TENM1: variants seen among roughly 807,000 people sequenced by gnomAD.
TENM1 encodes teneurin-1.
In TENM1, 35 loss-of-function variants were observed where a neutral mutation model predicts 174.8. The ratio of observed to expected loss-of-function variants is 0.20; its 90% CI spans 0.15 to 0.27. The LOEUF (loss-of-function observed/expected upper bound fraction) is 0.27. TENM1 is among the 10% of genes least tolerant of loss of function. The pLI is 1.00. For missense variants in TENM1, 1,633 were observed against 2,130.1 expected, an observed-to-expected ratio of 0.77 and a Z score of 4.59; for synonymous variants, 781 against 798.7, an observed-to-expected ratio of 0.98 and a Z score of 0.37.
chrX:125,061,475 G>C, the TENM1 span, among the ~76,000 whole-genome samples: 2 of 112,018 alleles, frequency 1.8e-5, no homozygotes, highest in Non-Finnish European at 3.8e-5. Flanking sequence ...GGAAACAAAG[G>C]AGTAGGTATA....
At chrX:125,176,356 A>G in the TENM1 span, among the ~76,000 whole-genome samples, 1 of 111,720 alleles carries the variant, frequency 9.0e-6, no homozygotes. Context: ...CTGTGTTCCC[A>G]TCAGTAATGA....
At chrX:124,557,398 T>C (rs1044153363) in intron 14 of TENM1, among the ~76,000 whole-genome samples, 10 of 111,412 alleles carry the variant, frequency 9.0e-5, no homozygotes, top group Non-Finnish European at 1.7e-4. Context: ...TGTTTTTTTT[T>C]CCTATTATGG....
chrX:124,963,671 T>A, exon 1 of TENM1: 1 of 1,211,588 alleles, frequency 8.3e-7, no homozygotes, highest in African/African-American at 1.7e-5. Flanking sequence ...TTCACTCTCA[T>A]CAGAAGAACT....
At chrX:124,866,050 A>G (rs146416921) in intron 3 of TENM1, among the ~76,000 whole-genome samples, 18 of 111,952 alleles carry the variant, frequency 1.6e-4, no homozygotes, top group Non-Finnish European at 3.0e-4. Flanking sequence ...AGGCCCCAAT[A>G]CAATAATAGC....
In TENM1 at chrX:124,422,778, G is replaced by A. The variant is rs747134934; in HGVS notation, c.4105-140C>T. 11 of 537,423 alleles carry A rather than the reference G, an allele frequency of 2.0e-5. No homozygotes were observed. In the East Asian group the frequency reaches 3.4e-4, roughly 17 times the overall value. 44.3% of individuals were successfully genotyped at this position (537,423 alleles called of 1,213,427 possible). On this transcript the variant is annotated intron_variant, in intron 23 of 31. Transcript: ENST00000422452. ...AGCAACATTGGTGATGTCTCGGAAA[G>A]TGGAGGGCAGGGGGAGGATGGTTAA...
At chrX:124,400,642 C>T (rs995111114) in intron 27 of TENM1, among the ~76,000 whole-genome samples, 2 of 112,101 alleles carry the variant, frequency 1.8e-5, no homozygotes, top group South Asian at 7.4e-4. Flanking sequence ...TATAACCTTA[C>T]AACTCAGTCT....
intron 5 of TENM1, among the ~76,000 whole-genome samples, chrX:124,695,024 C>T (rs1039351901): frequency 8.9e-6 from 1 of 111,794 alleles, no homozygotes; most frequent in African/African-American, 3.2e-5. Context: ...GTGCAAATTA[C>T]GTAACGGAGA....
chrX:124,549,537 A>G (rs1490155239), intron 14 of TENM1, among the ~76,000 whole-genome samples: 1 of 112,102 alleles, frequency 8.9e-6, no homozygotes, highest in Non-Finnish European at 1.9e-5. Flanking sequence ...TCTTAAAAAA[A>G]AACTAAAAAA....
At chrX:124,380,549 A>G in exon 32 of TENM1, 1 of 1,196,854 alleles carries the variant, frequency 8.4e-7, no homozygotes, top group Non-Finnish European at 1.1e-6. Flanking sequence ...CCTCCTGCCT[A>G]TTTCGCTCTG....
chrX:124,723,598 T>G (rs1453979209), intron 4 of TENM1, among the ~76,000 whole-genome samples: 5 of 99,473 alleles, frequency 5.0e-5, no homozygotes, highest in African/African-American at 7.8e-5. Context: ...TGGGTTTTTT[T>G]TTTTGTTTTT....
chrX:124,413,942 T>G (rs999947592), intron 25 of TENM1, among the ~76,000 whole-genome samples: 1 of 111,885 alleles, frequency 8.9e-6, no homozygotes, highest in Non-Finnish European at 1.9e-5. Context: ...AGACATGGCT[T>G]GTTTATCTTG....
At chrX:124,794,216 G>C (rs896103878) in intron 3 of TENM1, among the ~76,000 whole-genome samples, 1 of 111,208 alleles carries the variant, frequency 9.0e-6, no homozygotes, top group African/African-American at 3.3e-5. Context: ...TCTAAATGTC[G>C]CTGTTTGCTG....
chrX:124,849,612 A>G (rs181420699), intron 3 of TENM1, among the ~76,000 whole-genome samples: 1 of 111,180 alleles, frequency 9.0e-6, no homozygotes, highest in East Asian at 2.9e-4. Flanking sequence ...TGCCAAGAAG[A>G]GCATCATCAG....
At chrX:124,459,657 A>T (rs887432360) in intron 22 of TENM1, among the ~76,000 whole-genome samples, 1 of 112,079 alleles carries the variant, frequency 8.9e-6, no homozygotes. Flanking sequence ...AAACCTAGGC[A>T]ATACCATTCC....
chrX:124,387,511 G>GT (rs1569528588), intron 28 of TENM1, among the ~76,000 whole-genome samples: 1 of 112,006 alleles, frequency 8.9e-6, no homozygotes, highest in Non-Finnish European at 1.9e-5. Flanking sequence ...ATTTATTCAA[G>GT]TTTGTGTTAT....
At chrX:124,516,110 C>T (rs2047697683) in intron 18 of TENM1, among the ~76,000 whole-genome samples, 2 of 111,903 alleles carry the variant, frequency 1.8e-5, no homozygotes, top group African/African-American at 6.5e-5. Flanking sequence ...AAAGGACTCC[C>T]TATTCAAAAA....
chrX:124,537,148 G>A (rs2048222670), intron 15 of TENM1, among the ~76,000 whole-genome samples: 1 of 111,160 alleles, frequency 9.0e-6, no homozygotes, highest in Admixed American at 9.6e-5. Context: ...TGTAGGGTGG[G>A]AATGTTCTTT....
intron 31 of TENM1, 123 bp downstream of exon 34, chrX:124,382,547 C>T (rs1214676919): frequency 1.2e-5 from 8 of 640,907 alleles, no homozygotes; most frequent in Admixed American, 7.4e-5. Context: ...TAATTGTGCA[C>T]GTTTTAGTGA....
chrX:125,108,739 C>CACACACGTGTATATATATATATACACAG, the TENM1 span, among the ~76,000 whole-genome samples: 1 of 88,123 alleles, frequency 1.1e-5, no homozygotes, highest in Non-Finnish European at 2.0e-5. Context: ...TATATACACA[C>CACACACGTGTATATATATATATACACAG]ACACACGTGT....
Sources: gnomAD v4.1 joint callset for allele counts (sites outside exome capture counted in the v4.1 genomes callset) on GRCh38, gnomAD v4.1.1 for gene constraint, MANE v1.5 for transcripts, NCBI Gene and HGNC (gene_info 2026-07-23, HGNC 2026-07-21) for gene names.